CDK14: variants seen among roughly 807,000 people sequenced by gnomAD.
CDK14 encodes cyclin dependent kinase 14, also known as cyclin-dependent kinase 14.
A neutral mutation model predicts 60.7 loss-of-function variants in CDK14; 34 were observed. The ratio of observed to expected loss-of-function variants is 0.56; its 90% CI spans 0.43 to 0.75. The LOEUF (loss-of-function observed/expected upper bound fraction) is 0.75. Among genes scored for constraint, CDK14 ranks in the 30% least tolerant of loss-of-function variants. The pLI is 0.00. For synonymous variants in CDK14, 197 were observed against 203.7 expected (o/e 0.97, Z 0.28); for missense variants, 482 against 564.1 (o/e 0.85, Z 1.47).
chr7:91,155,807 A>G (rs1800966400), intron 14 of CDK14, among the ~76,000 whole-genome samples: 1 of 152,224 alleles, frequency 6.6e-6, no homozygotes, highest in Admixed American at 6.5e-5. Context: ...ATTAAAACAG[A>G]TGAAATCATT....
At chr7:90,742,733 G>C (rs1803399592) in intron 3 of CDK14, among the ~76,000 whole-genome samples, 1 of 151,832 alleles carries the variant, frequency 6.6e-6, no homozygotes, top group Non-Finnish European at 1.5e-5. Context: ...GTCTTAAATG[G>C]TCATGCTCTC....
chr7:90,711,680 T>G (rs901188655), intron 2 of CDK14, among the ~76,000 whole-genome samples: 1 of 152,128 alleles, frequency 6.6e-6, no homozygotes, highest in African/African-American at 2.4e-5. Context: ...TACATTTTCC[T>G]GAAGAAGCTT....
At chr7:90,703,382 A>G (rs1229705300) in intron 2 of CDK14, among the ~76,000 whole-genome samples, 3 of 152,152 alleles carry the variant, frequency 2.0e-5, no homozygotes, top group African/African-American at 7.2e-5. Flanking sequence ...GCATGACACC[A>G]CATCAGAACT....
At chr7:90,891,843 T>C (rs1032151261) in intron 6 of CDK14, among the ~76,000 whole-genome samples, 1 of 152,244 alleles carries the variant, frequency 6.6e-6, no homozygotes, top group Non-Finnish European at 1.5e-5. Flanking sequence ...GAAGGGGCTT[T>C]ATTTGGATTT....
chr7:91,058,549 T>G (rs966747065), intron 11 of CDK14, among the ~76,000 whole-genome samples: 2 of 152,224 alleles, frequency 1.3e-5, no homozygotes, highest in Admixed American at 1.3e-4. Flanking sequence ...GGGTTTGTCA[T>G]AGATAGCTTA....
intron 1 of CDK14, among the ~76,000 whole-genome samples, chr7:90,603,337 G>A (rs753653692): frequency 2.6e-5 from 4 of 152,018 alleles, no homozygotes; most frequent in Admixed American, 2.0e-4. Flanking sequence ...TGGTGGTCCC[G>A]CAAGTTTACA....
chr7:90,711,906 T>G (rs979755408), intron 2 of CDK14, among the ~76,000 whole-genome samples: 1 of 149,462 alleles, frequency 6.7e-6, no homozygotes, highest in African/African-American at 2.5e-5. Flanking sequence ...TTTTTTCAAT[T>G]GAGCCGAGGG....
At chr7:90,996,137 A>G (rs1584212063) in intron 10 of CDK14, among the ~76,000 whole-genome samples, 1 of 152,186 alleles carries the variant, frequency 6.6e-6, no homozygotes, top group East Asian at 1.9e-4. Context: ...GCTTTGTGCT[A>G]CTAGTATCAG....
intron 8 of CDK14, among the ~76,000 whole-genome samples, chr7:90,933,703 A>C (rs1429837324): frequency 2.0e-5 from 3 of 152,228 alleles, no homozygotes; most frequent in Non-Finnish European, 4.4e-5. Flanking sequence ...ATAGGATTTC[A>C]TGAAGTTTTA....
At chr7:90,686,526 G>A (rs1226451990) in intron 2 of CDK14, among the ~76,000 whole-genome samples, 1 of 152,100 alleles carries the variant, frequency 6.6e-6, no homozygotes, top group African/African-American at 2.4e-5. Context: ...TGGAGGACAT[G>A]GTCTGTGTTA....
At chr7:91,117,053 C>A (rs1406516520) in intron 13 of CDK14, among the ~76,000 whole-genome samples, 1 of 147,452 alleles carries the variant, frequency 6.8e-6, no homozygotes, top group African/African-American at 2.5e-5. Context: ...CTTGCATATC[C>A]AACTGACACT....
At chr7:90,781,387 G>C (rs1805312648) in intron 4 of CDK14, among the ~76,000 whole-genome samples, 1 of 152,054 alleles carries the variant, frequency 6.6e-6, no homozygotes, top group Admixed American at 6.5e-5. Context: ...TCTGATGGTA[G>C]TTTCTTTTGC....
chr7:90,870,674 A>G (rs967424786), intron 6 of CDK14, among the ~76,000 whole-genome samples: 30 of 152,210 alleles, frequency 2.0e-4, no homozygotes, highest in Middle Eastern at 3.4e-3. Flanking sequence ...GAATGTAAAA[A>G]GAATTGGCAG....
intron 14 of CDK14, among the ~76,000 whole-genome samples, chr7:91,183,651 A>G (rs993825292): frequency 2.0e-5 from 3 of 152,206 alleles, no homozygotes; most frequent in African/African-American, 7.2e-5. Flanking sequence ...ATGGTGACAC[A>G]TAACATGTCA....
intron 5 of CDK14, among the ~76,000 whole-genome samples, chr7:90,793,206 CA>C (rs1302927901): frequency 6.6e-6 from 1 of 152,150 alleles, no homozygotes; most frequent in Non-Finnish European, 1.5e-5. Flanking sequence ...TAAGGAAAAT[CA>C]TTAGGTTAGA....
At chr7:90,823,328 G>A (rs189608116) in intron 5 of CDK14, among the ~76,000 whole-genome samples, 9 of 152,210 alleles carry the variant, frequency 5.9e-5, no homozygotes, top group Middle Eastern at 3.4e-3. Flanking sequence ...TTTGAGTTTC[G>A]TTAAGTATTC....
rs1793131493 is a variant in CDK14 at position 90,917,945 on chromosome 7, A to G, written c.826+221A>G. ...AGACTGCTTGTTAGAGTCTTTAATA[A>G]TAAACATAAATCAGATCTTGGTAAT... On this transcript the variant is annotated intron_variant, in intron 8 of 14. Transcript: ENST00000380050. Among the ~76,000 whole-genome samples, 4 of 152,296 alleles carry G rather than the reference A, an allele frequency of 2.6e-5. No individual in the cohort carries two copies. The South Asian group carries it at 8.3e-4, about 32-fold the overall frequency.
At chr7:90,799,121 T>A (rs1330310253) in intron 5 of CDK14, among the ~76,000 whole-genome samples, 1 of 152,222 alleles carries the variant, frequency 6.6e-6, no homozygotes, top group African/African-American at 2.4e-5. Flanking sequence ...TTGTCTCTTT[T>A]CATAGATTCT....
rs1277089697 is a variant in CDK14 at position 90,596,469 on chromosome 7, G to C, written c.-159G>C. Reference sequence around the variant, plus strand: ...GAGCGGAGCCTGCCGTCCTCCGCCTGCCTGCTGCTCGCCTCCCTAGACCTG... The same window carrying C: ...GAGCGGAGCCTGCCGTCCTCCGCCTCCCTGCTGCTCGCCTCCCTAGACCTG... On this transcript the variant is annotated 5_prime_UTR_variant, in exon 1 of 15. Transcript: ENST00000380050. 2 of 554,554 alleles carry C rather than the reference G, an allele frequency of 3.6e-6. No individual in the cohort carries two copies. Among genetic ancestry groups the C allele is most frequent in the Non-Finnish European group, 6.3e-6 (2 of 315,966 alleles). 34.4% of individuals were successfully genotyped at this position (554,554 alleles called of 1,614,324 possible). A position where few individuals can be genotyped will look rare whatever the true frequency, so the allele number is the denominator to read the frequency against.
Sources: allele counts gnomAD v4.1 joint callset (sites outside exome capture counted in the v4.1 genomes callset), GRCh38; gene constraint gnomAD v4.1.1; transcripts MANE v1.5; gene names NCBI Gene and HGNC (gene_info 2026-07-23, HGNC 2026-07-21).